The following TAF1C variants were observed in gnomAD, a reference collection of about 807,000 sequenced individuals.
TAF1C encodes the protein TATA-box binding protein associated factor, RNA polymerase I subunit C.
TAF1C carries 79 observed loss-of-function variants against 70.5 expected under a neutral mutation model. That is an observed-to-expected ratio of 1.12 (90% confidence interval 0.93 to 1.35). The LOEUF is 1.35. TAF1C is among the 40% of genes most tolerant of loss of function. The probability of loss-of-function intolerance (pLI) is 0.00; values close to 1 mark genes in which losing one functional copy is unlikely to be tolerated. For synonymous variants in TAF1C, 614 were observed against 491.1 expected, an observed-to-expected ratio of 1.25 and a Z score of -3.31; for missense variants, 1,412 against 1,127.8, an observed-to-expected ratio of 1.25 and a Z score of -3.61.
chr16:84,182,977 A>C lies in TAF1C; in HGVS notation c.482+99T>G, dbSNP rs542358964. 28 of 1,190,988 alleles carry C rather than the reference A, an allele frequency of 2.4e-5. No individual in the cohort carries two copies. In the East Asian group the frequency reaches 6.1e-4, roughly 26 times the overall value. The allele number at this position is 1,190,988 out of a possible 1,614,324, so 73.8% of individuals were successfully genotyped here. ...CTCAGACTGCATGGAGCAGGGGGGA[A>C]GTGGGTATGACGGAAAGCTGTACGT... On this transcript the variant is annotated intron_variant, in intron 6 of 14. Transcript: ENST00000566732. The surrounding 1 kb of genome is among the most constrained non-coding windows in gnomAD (Gnocchi z 5.0).
In TAF1C at chr16:84,182,824, GA is replaced by G. The variant is rs1381430168; in HGVS notation, c.482+251del. 3.6e-4 allele frequency among the ~76,000 whole-genome samples: 55 copies of G among 152,344 alleles called. No homozygotes were observed. Among genetic ancestry groups the G allele is most frequent in the African/African-American group, 1.2e-3 (51 of 41,580 alleles). On this transcript the variant is annotated intron_variant, in intron 6 of 14. Transcript: ENST00000566732. The surrounding 1 kb of genome is among the most constrained non-coding windows in gnomAD (Gnocchi z 5.0). ...AGGGAGAGGCAAGTGGACGAGACAG[GA>G]AAGAGAGACACAGCTCTATGAACAT...
In TAF1C at chr16:84,179,181, G is replaced by C. The variant is rs760542876; in HGVS notation, c.2292C>G (p.Pro764=). 4 of 1,592,072 alleles carry C rather than the reference G, an allele frequency of 2.5e-6. No homozygotes were observed. The highest frequency in any genetic ancestry group is 1.3e-5 in the African/African-American group (1 of 74,754). ...WPPADALPLP[P]TTPPSQELTP... ...TCAACTCCTGGGAGGGCGGGGTCGT[G>C]GGGGGCAGGGGCAGAGCATCAGCAG... Residue 764 remains proline, a synonymous_variant, in exon 15 of 15, where the codon CCC becomes CCG. Transcript: ENST00000566732.
In TAF1C at chr16:84,182,268, C is replaced by T. The variant is rs944454888; in HGVS notation, c.655G>A (p.Val219Ile). ...EACTGGALAWVPGRTPQFGQL... is the reference protein window; with the variant it reads ...EACTGGALAWIPGRTPQFGQL... ...CCGAACTGGGGTGTCCTTCCAGGAACCCAGGCCAGCGCGCCCCCAGTGCAG... is the reference window on the plus strand; with the variant it reads ...CCGAACTGGGGTGTCCTTCCAGGAATCCAGGCCAGCGCGCCCCCAGTGCAG... The change falls in exon 7 of 15, where the codon GTT becomes ATT. Residue 219 changes from valine (V) to isoleucine (I), a missense_variant. By Grantham distance (29) the Val-to-Ile change is conservative (BLOSUM62 3). Coordinates refer to ENST00000566732, the MANE Select transcript of TAF1C (RefSeq NM_001243156.2). The surrounding 1 kb of genome is among the most constrained non-coding windows in gnomAD (Gnocchi z 5.0). 3 of 1,612,936 alleles carry T rather than the reference C, an allele frequency of 1.9e-6. No individual in the cohort carries two copies. In the African/African-American group the frequency reaches 4.0e-5, roughly 22 times the overall value.
intron 2 of TAF1C, 40 bp downstream of exon 2, chr16:84,184,810 AT>A: frequency 6.4e-7 from 1 of 1,557,480 alleles, no homozygotes; most frequent in Non-Finnish European, 8.7e-7. Context: ...CAGGGAAGGG[AT>A]GTCCCTGGAG....
intron 12 of TAF1C, chr16:84,180,832 A>G: frequency 7.2e-7 from 1 of 1,390,508 alleles, no homozygotes; most frequent in Non-Finnish European, 9.3e-7. Context: ...TCGAAGCTCT[A>G]CTAAGGGGAG....
Position 84,179,437 on chromosome 16 carries a change from G to A in TAF1C, c.2036C>T (p.Pro679Leu). ...TAGGCCTGACTCGGGTGCAGGGGGT[G>A]GCTCTGCCGCAGGGAGGGAGCCCAG... ...RDLGSLPAAE[P>L]PPAPESGLED... Residue 679 changes from proline to leucine, a missense_variant, in exon 15 of 15, where the codon CCA (proline) becomes CTA (leucine). Pro to Leu is a moderately conservative substitution (Grantham distance 98). Coordinates refer to ENST00000566732, the MANE Select transcript of TAF1C (RefSeq NM_001243156.2). 1 of 1,597,018 alleles carries A rather than the reference G, an allele frequency of 6.3e-7. No homozygotes were observed. Among genetic ancestry groups the A allele is most frequent in the Non-Finnish European group, 8.5e-7 (1 of 1,177,180 alleles).
Position 84,178,293 on chromosome 16 carries a change from T to C in TAF1C, c.*648A>G. ...CCCATGTCCCAAGGGAGAAGGAACA[T>C]CAGCCATCATCTCTCTGCATGAGCT... On this transcript the variant is annotated 3_prime_UTR_variant, in exon 15 of 15. Coordinates refer to ENST00000566732, the MANE Select transcript of TAF1C (RefSeq NM_001243156.2). The C allele has an allele frequency of 2.2e-6, 1 of 456,274 alleles. No homozygotes were observed. Among genetic ancestry groups the C allele is most frequent in the East Asian group, 6.9e-5 (1 of 14,408 alleles). 28.3% of individuals were successfully genotyped at this position (456,274 alleles called of 1,614,324 possible).
In TAF1C at chr16:84,180,376, G is replaced by A. The variant is rs189700737; in HGVS notation, c.1309-32C>T. 3.0e-4 allele frequency: 461 copies of A among 1,529,250 alleles called. 5 individuals are homozygous for A. The African/African-American group carries it at 5.5e-3, about 18-fold the overall frequency. The allele number at this position is 1,529,250 out of a possible 1,614,324, so 94.7% of individuals were successfully genotyped here. A position where few individuals can be genotyped will look rare whatever the true frequency, so the allele number is the denominator to read the frequency against. On this transcript the variant is annotated intron_variant, in intron 12 of 14. Coordinates refer to ENST00000566732, the MANE Select transcript of TAF1C (RefSeq NM_001243156.2). ...CCCGAGAAGGAAGGGGGATGTGGCC[G>A]AACTTGGGAGCTGAGCTGTGTAGTG...
Position 84,179,402 on chromosome 16 carries a change from G to A in TAF1C, c.2071C>T (p.Leu691Phe). Residue 691 changes from leucine (L) to phenylalanine (F), a missense_variant, in exon 15 of 15, where the codon CTC becomes TTC. By Grantham distance (22) the Leu-to-Phe change is conservative. Coordinates refer to ENST00000566732, the MANE Select transcript of TAF1C (RefSeq NM_001243156.2). ...CAGGCTTCCCCCAGGCGCTCACTGA[G>A]CTTGTCCTCTAGGCCTGACTCGGGT... ...PAPESGLEDKLSERLGEAWAG... is the reference protein window; with the variant it reads ...PAPESGLEDKFSERLGEAWAG... 2 of 1,598,268 alleles carry A rather than the reference G, an allele frequency of 1.3e-6. No homozygotes were observed. Among genetic ancestry groups the A allele is most frequent in the Non-Finnish European group, 1.7e-6 (2 of 1,178,044 alleles).
chr16:84,183,110 G>C lies in TAF1C; in HGVS notation c.448C>G (p.Leu150Val). The change falls in exon 6 of 15, where the codon CTG becomes GTG. Residue 150 changes from leucine (L) to valine (V), a missense_variant. Transcript: ENST00000566732. ...KKKTVVSVKK[L>V]LQDLGGHQPW... Reference sequence around the variant, plus strand: ...TGGTGTCCACCGAGGTCCTGGAGCAGCTTCTTCACACTGACCACTGTCTTC... The same window carrying C: ...TGGTGTCCACCGAGGTCCTGGAGCACCTTCTTCACACTGACCACTGTCTTC... The C allele has an allele frequency of 6.2e-7, 1 of 1,614,102 alleles. No individual in the cohort carries two copies. Among genetic ancestry groups the C allele is most frequent in the Admixed American group, 1.7e-5 (1 of 60,014 alleles).
chr16:84,178,887 C>T lies in TAF1C; in HGVS notation c.*54G>A. The T allele has an allele frequency of 6.6e-7, 1 of 1,509,742 alleles. No individual in the cohort carries two copies. Among genetic ancestry groups the T allele is most frequent in the Non-Finnish European group, 8.8e-7 (1 of 1,130,298 alleles). The allele number at this position is 1,509,742 out of a possible 1,614,324, so 93.5% of individuals were successfully genotyped here. ...TCAACTGTGGAAGGCACATCTGGTC[C>T]CAGAGGAAGGATGAGGGGCTCTCTG... On this transcript the variant is annotated 3_prime_UTR_variant, in exon 15 of 15. Transcript: ENST00000566732.
At chr16:84,184,737 G>T in intron 2 of TAF1C, 114 bp downstream of exon 2, 3 of 1,347,568 alleles carry the variant, frequency 2.2e-6, no homozygotes, top group Non-Finnish European at 3.0e-6. Context: ...TGTCTCAGCA[G>T]ACTCGTGTGA....
rs564276603 is a variant in TAF1C, at chr16:84,178,461, A to C, written c.*480T>G. The C allele has an allele frequency of 5.2e-5, 24 of 459,240 alleles. No homozygotes were observed. Among genetic ancestry groups the C allele is most frequent in the South Asian group, 1.2e-4 (8 of 64,588 alleles). The allele number at this position is 459,240 out of a possible 1,614,324, so 28.4% of individuals were successfully genotyped here. On this transcript the variant is annotated 3_prime_UTR_variant, in exon 15 of 15. Coordinates refer to ENST00000566732, the MANE Select transcript of TAF1C (RefSeq NM_001243156.2). ...TGTAGGAAACATCAGACCGGGGCAG[A>C]GATTGACAAAGCAACCCACAACAGC...
chr16:84,182,061 G>C lies in TAF1C; in HGVS notation c.722-3C>G, dbSNP rs758572713. The C allele has an allele frequency of 1.2e-6, 2 of 1,612,786 alleles. No homozygotes were observed. The highest frequency in any genetic ancestry group is 8.5e-7 in the Non-Finnish European group (1 of 1,179,716). ...GGTCAGAACGACCTCTTGGAAATCT[G>C]GGCCTCTCACTAAGGATCAGTGCAC... is the stretch of plus-strand genomic sequence containing the variant. On this transcript the variant is annotated splice_polypyrimidine_tract_variant and splice_region_variant and intron_variant, in intron 7 of 14. Transcript: ENST00000566732. The surrounding 1 kb of genome is among the most constrained non-coding windows in gnomAD (Gnocchi z 5.0).
chr16:84,181,375 C>T lies in TAF1C; in HGVS notation c.1117G>A (p.Val373Met), dbSNP rs748305064. The change falls in exon 11 of 15, where the codon GTG becomes ATG. Residue 373 changes from valine (V) to methionine (M), a missense_variant. Physicochemically the swap from Val to Met is conservative, Grantham distance 21 (BLOSUM62 1). Coordinates refer to ENST00000566732, the MANE Select transcript of TAF1C (RefSeq NM_001243156.2). ...RWADFTAHPR[V>M]LTVGDRTGVK... ...CCGGTGCGGTCACCCACGGTCAGCA[C>T]CCGAGGGTGCGCAGTGAAGTCTGCC... 1.2e-6 allele frequency: 2 copies of T among 1,613,712 alleles called. No homozygotes were observed. The highest frequency in any genetic ancestry group is 1.7e-6 in the Non-Finnish European group (2 of 1,179,998).
Position 84,179,932 on chromosome 16 carries a change from C to A in TAF1C, c.1621+14G>T. The A allele has an allele frequency of 1.3e-6, 2 of 1,595,964 alleles. No individual in the cohort carries two copies. The highest frequency in any genetic ancestry group is 2.2e-5 in the South Asian group (2 of 90,574). ...CCACTGCGCCCCCCAAGCTCACTCC[C>A]CCACCCAGCACACCTATGGTCGGTG... On this transcript the variant is annotated intron_variant, in intron 14 of 14. Coordinates refer to ENST00000566732, the MANE Select transcript of TAF1C (RefSeq NM_001243156.2).
Position 84,185,025 on chromosome 16 carries a change from C to T in TAF1C, c.-37G>A, listed in dbSNP as rs553385979. 94 of 1,599,204 alleles carry T rather than the reference C, an allele frequency of 5.9e-5. No individual in the cohort carries two copies. The South Asian group carries it at 9.1e-4, about 15-fold the overall frequency. On this transcript the variant is annotated 5_prime_UTR_variant, in exon 2 of 15. Transcript: ENST00000566732. ...GGACCAAGCACCACACTGGCCACCT[C>T]GAGAGACTGGAAGCTGGTAAGGGGC...
rs777214232 is a variant in TAF1C at position 84,179,142 on chromosome 16, G to A, written c.2331C>T (p.Cys777=). ...GCTGCTCTGATGGGACGCCCTGGGC[G>A]CATGCATCCGGAGTCAACTCCTGGG... ...PPSQELTPDA[C]AQGVPSEQRQ... Residue 777 remains cysteine (C), a synonymous_variant, in exon 15 of 15, where the codon TGC becomes TGT. Transcript: ENST00000566732. The A allele has an allele frequency of 8.1e-6, 13 of 1,607,332 alleles. No individual in the cohort carries two copies. Among genetic ancestry groups the A allele is most frequent in the Middle Eastern group, 1.6e-4 (1 of 6,082 alleles).
At position 84,184,916 on chromosome 16, in the gene TAF1C, G is replaced by C; in HGVS notation, c.73C>G (p.Leu25Val). ...GPLGLSDVPD[L>V]SFMCSWRDAL... ...TCTCGCCAGCTGCACATGAAAGAGA[G>C]GTCAGGGACGTCGCTCAGACCAAGG... is the stretch of plus-strand genomic sequence containing the variant. The change falls in exon 2 of 15, where the codon CTC becomes GTC. Residue 25 changes from leucine to valine, a missense_variant. Transcript: ENST00000566732. 1 of 1,613,688 alleles carries C rather than the reference G, an allele frequency of 6.2e-7. No homozygotes were observed. The highest frequency in any genetic ancestry group is 1.3e-5 in the African/African-American group (1 of 75,030).
Sources: gnomAD v4.1 joint callset for allele counts (sites outside exome capture counted in the v4.1 genomes callset) on GRCh38, gnomAD v4.1.1 for gene constraint, Gnocchi (gnomAD v3.1) non-coding constraint, MANE v1.5 for transcripts, NCBI Gene and HGNC (gene_info 2026-07-23, HGNC 2026-07-21) for gene names.